The following ARID1A variants were observed in gnomAD, a reference collection of about 807,000 sequenced individuals.
ARID1A encodes AT-rich interactive domain-containing protein 1A.
In ARID1A, 20 loss-of-function variants were observed where a neutral mutation model predicts 212.6. That is an observed-to-expected ratio of 0.09 (90% CI 0.07 to 0.14). ARID1A has a LOEUF of 0.14. Among genes scored for constraint, ARID1A ranks in the 10% least tolerant of loss-of-function variants. The pLI, the probability that ARID1A is intolerant of heterozygous loss-of-function variation, is 1.00. For synonymous variants in ARID1A, 1,376 were observed against 1,222.1 expected (o/e 1.13, Z -2.63); for missense variants, 2,587 against 3,059.0 (o/e 0.85, Z 3.64).
intron 1 of ARID1A, among the ~76,000 whole-genome samples, chr1:26,709,917 C>T (rs1339427820): frequency 6.6e-5 from 10 of 151,308 alleles, no homozygotes; most frequent in African/African-American, 1.9e-4. Flanking sequence ...CTGCAACCTC[C>T]GCCTCCTGGG....
intron 4 of ARID1A, among the ~76,000 whole-genome samples, chr1:26,753,911 A>T (rs1383801434): frequency 6.6e-6 from 1 of 152,120 alleles, no homozygotes; most frequent in Non-Finnish European, 1.5e-5. Flanking sequence ...GATTCATGCC[A>T]TTCTCCTGCC....
chr1:26,767,966 T>C lies in ARID1A; in HGVS notation c.3165T>C (p.Tyr1055=), dbSNP rs200354003. 6.2e-7 allele frequency: 1 copy of C among 1,614,004 alleles called. No homozygotes were observed. Among genetic ancestry groups the C allele is most frequent in the Admixed American group, 1.7e-5 (1 of 60,014 alleles). Residue 1055 remains tyrosine (Y), a synonymous_variant, in exon 11 of 20, where the codon TAT becomes TAC. Coordinates refer to ENST00000324856, the MANE Select transcript of ARID1A (RefSeq NM_006015.6). ...AACCTCTGGACCTCTATCGCCTCTA[T>C]GTGTCTGTGAAGGAGATTGGTGGAT... is the stretch of plus-strand genomic sequence containing the variant. ...GRKPLDLYRL[Y]VSVKEIGGLT... is the part of the protein sequence containing the mutation.
At position 26,732,706 on chromosome 1, in the gene ARID1A, G is replaced by A. The variant is rs2124792357; in HGVS notation, c.1834G>A (p.Ala612Thr). The change falls in exon 4 of 20, where the codon GCA becomes ACA. Residue 612 changes from alanine to threonine, a missense_variant. Ala to Thr is a moderately conservative substitution (Grantham distance 58). Around this residue, in one of 11 missense-constraint regions of ARID1A, gnomAD observed 674 missense variants for 813.4 expected, o/e 0.83. Transcript: ENST00000324856. ...ELSQDSFGSQ[A>T]SSAPSMTSSK... The stretch of plus-strand genomic sequence containing the variant: ...ATCTCAAGATTCATTTGGGTCTCAG[G>A]CATCCTCAGCCCCCTCAATGACCTC... The A allele has an allele frequency of 6.2e-7, 1 of 1,613,928 alleles. No homozygotes were observed. Among genetic ancestry groups the A allele is most frequent in the Non-Finnish European group, 8.5e-7 (1 of 1,179,910 alleles).
intron 3 of ARID1A, 92 bp from the exon 4 acceptor site, chr1:26,732,584 T>C (rs2080690833): frequency 3.9e-6 from 4 of 1,029,126 alleles, no homozygotes; most frequent in East Asian, 2.4e-5. Context: ...CTCACACTCA[T>C]GAGAGACAGT....
intron 4 of ARID1A, among the ~76,000 whole-genome samples, chr1:26,742,980 A>G (rs935758228): frequency 9.9e-5 from 15 of 152,184 alleles, no homozygotes; most frequent in African/African-American, 3.4e-4. Flanking sequence ...AAAAAGAAAT[A>G]TAAAAAATAT....
intron 1 of ARID1A, among the ~76,000 whole-genome samples, chr1:26,716,162 C>T (rs568190331): frequency 3.4e-5 from 5 of 148,216 alleles, no homozygotes; most frequent in South Asian, 2.1e-4. Context: ...GCCAAGATCG[C>T]GCCACTGCAC....
At position 26,773,669 on chromosome 1, in the gene ARID1A, A is replaced by G. The variant is rs2124113329; in HGVS notation, c.3956A>G (p.Tyr1319Cys). The change falls in exon 16 of 20, where the codon TAT (tyrosine) becomes TGT (cysteine). Residue 1319 changes from tyrosine to cysteine, a missense_variant. Physicochemically the swap from Tyr to Cys is radical, Grantham distance 194. Transcript: ENST00000324856. ...LMPSNPDSGM[Y>C]SPSRYPPQQQ... ...CCTTCCAACCCAGACTCGGGGATGT[A>G]TTCTCCTAGCCGCTACCCCCCGCAG... 1.2e-6 allele frequency: 2 copies of G among 1,614,082 alleles called. No individual in the cohort carries two copies. Among genetic ancestry groups the G allele is most frequent in the African/African-American group, 1.3e-5 (1 of 74,992 alleles).
intron 1 of ARID1A, among the ~76,000 whole-genome samples, chr1:26,720,831 T>C (rs958090068): frequency 1.3e-5 from 2 of 150,766 alleles, no homozygotes; most frequent in Non-Finnish European, 3.0e-5. Context: ...ATTGCACCAC[T>C]GCACTCCAGC....
intron 1 of ARID1A, among the ~76,000 whole-genome samples, chr1:26,725,435 T>C (rs2080606946): frequency 6.6e-6 from 1 of 152,226 alleles, no homozygotes; most frequent in South Asian, 2.1e-4. Flanking sequence ...ATGTCCCTGC[T>C]CACCTCCCCT....
intron 19 of ARID1A, among the ~76,000 whole-genome samples, chr1:26,777,574 G>GT (rs1277334122): frequency 6.6e-6 from 1 of 151,752 alleles, no homozygotes; most frequent in Non-Finnish European, 1.5e-5. Flanking sequence ...GGGTCTCACT[G>GT]TGTTGCCCAG....
In ARID1A at chr1:26,774,925, G is replaced by A. The variant is rs1182178997; in HGVS notation, c.4698G>A (p.Arg1566=). 5.3e-6 allele frequency: 8 copies of A among 1,514,974 alleles called. No individual in the cohort carries two copies. Among genetic ancestry groups the A allele is most frequent in the Non-Finnish European group, 7.0e-6 (8 of 1,137,498 alleles). The allele number at this position is 1,514,974 out of a possible 1,614,324, so 93.8% of individuals were successfully genotyped here. A position where few individuals can be genotyped will look rare whatever the true frequency, so the allele number is the denominator to read the frequency against. Reference sequence around the variant, plus strand: ...CTGCCCCTGTGCCCCCCATGACAAGGCCCCCTCCATCTAACTACCAGCCCC... The same window carrying A: ...CTGCCCCTGTGCCCCCCATGACAAGACCCCCTCCATCTAACTACCAGCCCC... ...GPSAPVPPMT[R]PPPSNYQPPP... is the part of the protein sequence containing the mutation. The change falls in exon 18 of 20, where the codon AGG becomes AGA. Residue 1566 remains arginine (R), a synonymous_variant. Coordinates refer to ENST00000324856, the MANE Select transcript of ARID1A (RefSeq NM_006015.6). The surrounding 1 kb of genome is among the most constrained non-coding windows in gnomAD (Gnocchi z 5.6).
intron 1 of ARID1A, among the ~76,000 whole-genome samples, chr1:26,723,254 G>A (rs757330765): frequency 2.0e-4 from 30 of 152,158 alleles, no homozygotes; most frequent in African/African-American, 4.6e-4. Context: ...AGTGAGCCAC[G>A]TGCAGCTGGC....
chr1:26,706,326 T>G (rs781763793), intron 1 of ARID1A, among the ~76,000 whole-genome samples: 1 of 152,208 alleles, frequency 6.6e-6, no homozygotes, highest in Non-Finnish European at 1.5e-5. Flanking sequence ...CTTAAACTTG[T>G]TCGTTTTCAG....
rs1037886216 is a variant in ARID1A, at chr1:26,773,208, C to T, written c.3716-138C>T. 4 of 1,332,730 alleles carry T rather than the reference C, an allele frequency of 3.0e-6. No individual in the cohort carries two copies. In the African/African-American group the frequency reaches 5.9e-5, roughly 20 times the overall value. The allele number at this position is 1,332,730 out of a possible 1,614,324, so 82.6% of individuals were successfully genotyped here. On this transcript the variant is annotated intron_variant, in intron 14 of 19. Coordinates refer to ENST00000324856, the MANE Select transcript of ARID1A (RefSeq NM_006015.6). ...GTACATGCTTTTCGCTGGTTGGGGC[C>T]TCTTTAGATCTCTGTTTTGAACTTG...
At position 26,697,338 on chromosome 1, in the gene ARID1A, C is replaced by G. The variant is rs1159736980; in HGVS notation, c.935C>G (p.Pro312Arg). 6 of 1,331,764 alleles carry G rather than the reference C, an allele frequency of 4.5e-6. No individual in the cohort carries two copies. Among genetic ancestry groups the G allele is most frequent in the Non-Finnish European group, 5.7e-6 (6 of 1,047,996 alleles). 82.5% of individuals were successfully genotyped at this position (1,331,764 alleles called of 1,614,324 possible). The change falls in exon 1 of 20, where the codon CCC becomes CGC. Residue 312 changes from proline to arginine, a missense_variant. This residue lies in a region of ARID1A where 735 missense variants were observed against 590.6 expected (regional missense o/e 1.24). Transcript: ENST00000324856. ...TCGGCCCGGGGCTACCAGGGCTACC[C>G]CGGGGGCGACTACAGTGGCGGGCCC... Reference protein sequence around the residue: ...PSSARGYQGYPGGDYSGGPQD... With the variant: ...PSSARGYQGYRGGDYSGGPQD...
At chr1:26,739,788 G>A (rs2080770460) in intron 4 of ARID1A, among the ~76,000 whole-genome samples, 1 of 152,080 alleles carries the variant, frequency 6.6e-6, no homozygotes, top group Non-Finnish European at 1.5e-5. Context: ...AACTTAGTTG[G>A]TCACCAAATC....
At chr1:26,776,032 A>G (rs149827859) in intron 19 of ARID1A, 2 of 411,012 alleles carry the variant, frequency 4.9e-6, no homozygotes, top group East Asian at 6.2e-5. Context: ...TTGTTTTTTT[A>G]ATAGAGACGA....
chr1:26,722,258 G>C (rs769631541), intron 1 of ARID1A, among the ~76,000 whole-genome samples: 57 of 152,026 alleles, frequency 3.7e-4, no homozygotes, highest in Admixed American at 1.4e-3. Context: ...TTTTTTGTTT[G>C]TTTTCAAGAT....
intron 2 of ARID1A, among the ~76,000 whole-genome samples, chr1:26,730,870 A>G (rs1261606937): frequency 2.6e-5 from 4 of 152,350 alleles, no homozygotes; most frequent in East Asian, 1.9e-4. Context: ...GCTCACTGGT[A>G]GAAACAGCTG....
Sources: gnomAD v4.1 joint callset for allele counts (sites outside exome capture counted in the v4.1 genomes callset) on GRCh38, gnomAD v4.1.1 for gene constraint, gnomAD v4.1.1 regional missense constraint, Gnocchi (gnomAD v3.1) non-coding constraint, MANE v1.5 for transcripts, NCBI Gene and HGNC (gene_info 2026-07-23, HGNC 2026-07-21) for gene names.